RALGPS1: variants seen among roughly 807,000 people sequenced by gnomAD.
RALGPS1 encodes ras-specific guanine nucleotide-releasing factor RalGPS1.
Under a neutral mutation model 78.8 loss-of-function variants are expected in RALGPS1, and 19 were observed. The observed-to-expected ratio is 0.24, with a 90% CI of 0.17 to 0.35. RALGPS1 has a LOEUF of 0.35. Ranked by LOEUF, RALGPS1 falls within the 10% of genes least tolerant of loss-of-function variation. The probability of loss-of-function intolerance (pLI) is 1.00; values close to 1 mark genes in which losing one functional copy is unlikely to be tolerated. For missense variants in RALGPS1, 454 were observed against 688.3 expected (o/e 0.66, Z 3.81); for synonymous variants, 228 against 256.3 (o/e 0.89, Z 1.06).
In RALGPS1 at chr9:127,210,566, G is replaced by A. The variant is rs556318107; in HGVS notation, c.1248-1565G>A. 4.1e-4 allele frequency: 277 copies of A among 671,682 alleles called. 3 individuals carry two copies. In the East Asian group the frequency reaches 7.5e-3, roughly 18 times the overall value. The allele number at this position is 671,682 out of a possible 1,614,324, so 41.6% of individuals were successfully genotyped here. A position where few individuals can be genotyped will look rare whatever the true frequency, so the allele number is the denominator to read the frequency against. ...GGCCGAGGAGGCTGGGGAGGAGTTG[G>A]GGAGGGAGGGAGGTTGCTCTGCGGG... On this transcript the variant is annotated intron_variant, in intron 14 of 18. Coordinates refer to ENST00000259351, the MANE Select transcript of RALGPS1 (RefSeq NM_014636.3).
At chr9:127,071,986 C>T (rs1032045588) in intron 8 of RALGPS1, among the ~76,000 whole-genome samples, 7 of 152,218 alleles carry the variant, frequency 4.6e-5, no homozygotes, top group Non-Finnish European at 1.0e-4. Flanking sequence ...GCTAACCCTC[C>T]TCTCCCACCT....
chr9:127,086,129 C>A (rs180845379), intron 8 of RALGPS1, among the ~76,000 whole-genome samples: 1 of 152,302 alleles, frequency 6.6e-6, no homozygotes, highest in African/African-American at 2.4e-5. Context: ...CACGGACACA[C>A]ACACACGCCT....
At chr9:126,973,223 CTGGGCA>C (rs2040289075) in intron 3 of RALGPS1, among the ~76,000 whole-genome samples, 1 of 151,970 alleles carries the variant, frequency 6.6e-6, no homozygotes, top group Non-Finnish European at 1.5e-5. Flanking sequence ...AAAAAGTTAG[CTGGGCA>C]TGGTGGCTTA....
At chr9:126,990,088 A>G in intron 4 of RALGPS1, 1 of 1,451,394 alleles carries the variant, frequency 6.9e-7, no homozygotes, top group Non-Finnish European at 9.3e-7. Flanking sequence ...TGGACGTCGG[A>G]CAAACCCTGT....
intron 7 of RALGPS1, among the ~76,000 whole-genome samples, chr9:127,058,727 T>C (rs1418292634): frequency 6.6e-6 from 1 of 152,166 alleles, no homozygotes; most frequent in Non-Finnish European, 1.5e-5. Flanking sequence ...GATGAGTCAC[T>C]CATTATAGTA....
rs61758792 is a variant in RALGPS1, at chr9:126,977,742, G to A, written c.213G>A (p.Pro71=). 1.2e-4 allele frequency: 194 copies of A among 1,599,580 alleles called. No individual in the cohort carries two copies. In the African/African-American group the frequency reaches 2.0e-3, roughly 17 times the overall value. Residue 71 remains proline (P), a synonymous_variant, in exon 4 of 19, where the codon CCG becomes CCA. Transcript: ENST00000259351. The stretch of plus-strand genomic sequence containing the variant: ...TACCTGTGTTTAAAGCTATCCAGCC[G>A]GAGGTCTGTACTTTGTCTTTCTACT... ...MDIPVFKAIQ[P]EELASCGWSK... is the part of the protein sequence containing the mutation.
At chr9:127,189,362 C>T (rs1220192152) in intron 11 of RALGPS1, among the ~76,000 whole-genome samples, 1 of 152,154 alleles carries the variant, frequency 6.6e-6, no homozygotes, top group East Asian at 1.9e-4. Flanking sequence ...GCATTGCCTC[C>T]CCTGTCTCCA....
chr9:127,200,961 A>G (rs1229911515), intron 14 of RALGPS1, among the ~76,000 whole-genome samples: 1 of 152,216 alleles, frequency 6.6e-6, no homozygotes, highest in Non-Finnish European at 1.5e-5. Context: ...TCACTTATTC[A>G]TTCAGTAGCT....
intron 8 of RALGPS1, among the ~76,000 whole-genome samples, chr9:127,131,698 A>G (rs887331608): frequency 1.4e-4 from 21 of 152,190 alleles, no homozygotes; most frequent in African/African-American, 4.3e-4. Context: ...AGGTTGGGCA[A>G]CTTAGGGAGG....
intron 11 of RALGPS1, chr9:127,178,466 C>G: frequency 1.0e-6 from 1 of 996,300 alleles, no homozygotes; most frequent in East Asian, 1.0e-4. Context: ...CAACATAGAA[C>G]ACACGTGTTA....
chr9:127,026,751 G>T (rs757103891), intron 4 of RALGPS1, among the ~76,000 whole-genome samples: 1 of 152,166 alleles, frequency 6.6e-6, no homozygotes, highest in African/African-American at 2.4e-5. Context: ...CTCCTGAGGG[G>T]AGTCTGCCTG....
At chr9:126,987,526 A>G (rs2041914659) in intron 4 of RALGPS1, among the ~76,000 whole-genome samples, 1 of 151,994 alleles carries the variant, frequency 6.6e-6, no homozygotes, top group South Asian at 2.1e-4. Context: ...GGATACTGGT[A>G]CATGCCAAAG....
intron 8 of RALGPS1, among the ~76,000 whole-genome samples, chr9:127,103,050 G>A (rs187721250): frequency 2.6e-5 from 4 of 152,228 alleles, no homozygotes; most frequent in Admixed American, 2.6e-4. Flanking sequence ...GCAGTGCTTG[G>A]GCCTGGATGC....
intron 8 of RALGPS1, among the ~76,000 whole-genome samples, chr9:127,151,871 C>G (rs1034068798): frequency 1.1e-4 from 17 of 152,170 alleles, no homozygotes; most frequent in African/African-American, 4.1e-4. Flanking sequence ...TCTCTCTGTT[C>G]TCAGGCCCCT....
intron 8 of RALGPS1, among the ~76,000 whole-genome samples, chr9:127,149,616 A>G (rs1217325217): frequency 6.6e-6 from 1 of 152,248 alleles, no homozygotes; most frequent in African/African-American, 2.4e-5. Flanking sequence ...ATTAAGGATC[A>G]CAGAGAGTGG....
rs368734865 is a variant in RALGPS1 at position 127,073,951 on chromosome 9, G to A, written c.610+4595G>A. On this transcript the variant is annotated intron_variant, in intron 8 of 18. Transcript: ENST00000259351. Reference sequence around the variant, plus strand: ...GGCTGGAGTGCAGTGGCGCCGTCTCGGCTCACTGCAACCTCTGCCTCCCGG... The same window carrying A: ...GGCTGGAGTGCAGTGGCGCCGTCTCAGCTCACTGCAACCTCTGCCTCCCGG... Among the ~76,000 whole-genome samples, 62 of 152,046 alleles carry A rather than the reference G, an allele frequency of 4.1e-4. 2 individuals are homozygous for A. In the East Asian group the frequency reaches 7.7e-3, roughly 19 times the overall value.
intron 4 of RALGPS1, among the ~76,000 whole-genome samples, chr9:126,989,291 A>G (rs2042072664): frequency 6.6e-6 from 1 of 152,176 alleles, no homozygotes; most frequent in African/African-American, 2.4e-5. Flanking sequence ...GAAGAGGTTG[A>G]GGCATGGGGG....
intron 13 of RALGPS1, among the ~76,000 whole-genome samples, chr9:127,198,690 C>T (rs1051991940): frequency 1.3e-5 from 2 of 152,126 alleles, no homozygotes; most frequent in African/African-American, 4.8e-5. Context: ...TTCACTTGGG[C>T]CAGAAGGGAG....
intron 1 of RALGPS1, among the ~76,000 whole-genome samples, chr9:126,932,007 G>C (rs1428166820): frequency 1.3e-5 from 2 of 150,948 alleles, no homozygotes; most frequent in African/African-American, 4.9e-5. Context: ...TAGTGCTTCA[G>C]AATTCCTCTG....
Sources: gnomAD v4.1 joint callset for allele counts (sites outside exome capture counted in the v4.1 genomes callset) on GRCh38, gnomAD v4.1.1 for gene constraint, MANE v1.5 for transcripts, NCBI Gene and HGNC (gene_info 2026-07-23, HGNC 2026-07-21) for gene names.